Variants in NF1 observed in about 807,000 individuals in gnomAD.
The protein encoded by NF1 is neurofibromin 1, also known as neurofibromin.
A neutral mutation model predicts 325.7 loss-of-function variants in NF1; 122 were observed. The observed-to-expected ratio is 0.37, with a 90% CI of 0.32 to 0.44. The LOEUF is 0.44. Ranked by LOEUF, NF1 falls within the 20% of genes least tolerant of loss-of-function variation. The probability of loss-of-function intolerance (pLI) is 1.00; values close to 1 mark genes in which losing one functional copy is unlikely to be tolerated. For missense variants in NF1, 2,140 were observed against 3,415.4 expected, an observed-to-expected ratio of 0.63 and a Z score of 9.31; for synonymous variants, 1,091 against 1,186.0, an observed-to-expected ratio of 0.92 and a Z score of 1.65.
chr17:31,147,540 A>G (rs1042834220), intron 1 of NF1, among the ~76,000 whole-genome samples: 3 of 151,568 alleles, frequency 2.0e-5, no homozygotes, highest in African/African-American at 7.3e-5. Context: ...ACATATATAC[A>G]TTTCTGTTGG....
chr17:31,295,030 A>C (rs1375003931), intron 36 of NF1: 3 of 1,614,022 alleles, frequency 1.9e-6, no homozygotes, highest in Non-Finnish European at 1.7e-6. Flanking sequence ...GCATGACCAC[A>C]ACATTGAGCA....
At chr17:31,174,449 C>T (rs1231775695) in intron 5 of NF1, among the ~76,000 whole-genome samples, 4 of 152,154 alleles carry the variant, frequency 2.6e-5, no homozygotes, top group South Asian at 2.1e-4. Flanking sequence ...TTTGACTGGA[C>T]ACTTCTAGAG....
At chr17:31,294,844 CTTTTA>C in intron 36 of NF1, 2 of 846,672 alleles carry the variant, frequency 2.4e-6, no homozygotes, top group Non-Finnish European at 3.8e-6. Context: ...TTGTGCATTT[CTTTTA>C]TTTAAGACAA....
intron 1 of NF1, 165 bp downstream of exon 1, chr17:31,095,534 C>T: frequency 5.2e-6 from 3 of 578,242 alleles, no homozygotes; most frequent in Non-Finnish European, 8.6e-6. Flanking sequence ...GTGGCCAAGG[C>T]GGGAGGTGAG....
At chr17:31,262,962 T>TG (rs2067710398) in intron 35 of NF1, among the ~76,000 whole-genome samples, 1 of 152,058 alleles carries the variant, frequency 6.6e-6, no homozygotes, top group South Asian at 2.1e-4. Context: ...GTGAGAGAAT[T>TG]GCTGGAGGCC....
At chr17:31,259,171 A>C in intron 33 of NF1, 42 bp downstream of exon 33, 2 of 1,391,754 alleles carry the variant, frequency 1.4e-6, no homozygotes, top group Non-Finnish European at 2.0e-6. Flanking sequence ...GTTTGAATCA[A>C]ATATTTTCGG....
intron 36 of NF1, among the ~76,000 whole-genome samples, chr17:31,291,649 G>T (rs755904084): frequency 6.6e-6 from 1 of 152,114 alleles, no homozygotes; most frequent in Admixed American, 6.6e-5. Context: ...GTTAACTCTT[G>T]ACTGACATTT....
intron 12 of NF1, among the ~76,000 whole-genome samples, chr17:31,211,005 A>G (rs2066719688): frequency 2.0e-5 from 3 of 152,176 alleles, no homozygotes; most frequent in Admixed American, 1.3e-4. Context: ...GAATTTTCAC[A>G]AGTATTTGTT....
In NF1 at chr17:31,227,637, A is replaced by G. The variant is rs781265014; in HGVS notation, c.2409+31A>G. On this transcript the variant is annotated intron_variant, in intron 20 of 57. Coordinates refer to ENST00000358273, the MANE Select transcript of NF1 (RefSeq NM_001042492.3). ...TCTGTAAAGTTGACTTTTGTCTGTT[A>G]ACTGATCTGCTAAATATATGTACTT... 3.2e-6 allele frequency: 5 copies of G among 1,555,928 alleles called. No individual in the cohort carries two copies. The East Asian group carries it at 1.1e-4, about 35-fold the overall frequency.
intron 36 of NF1, chr17:31,295,495 A>G (rs1385550504): frequency 6.2e-7 from 1 of 1,614,076 alleles, no homozygotes; most frequent in African/African-American, 1.3e-5. Context: ...TCCCACTTAC[A>G]GTGAATAAGC....
chr17:31,358,296 G>C (rs1435796147), intron 54 of NF1, 184 bp from the exon 55 acceptor site: 3 of 626,870 alleles, frequency 4.8e-6, no homozygotes, highest in East Asian at 2.8e-5. Flanking sequence ...AACAAAAACA[G>C]ACACACACAC....
At chr17:31,219,306 A>G in intron 14 of NF1, 188 bp downstream of exon 14, 2 of 505,902 alleles carry the variant, frequency 4.0e-6, no homozygotes, top group Non-Finnish European at 7.0e-6. Flanking sequence ...TTTGTATCAC[A>G]TAGCAATAAC....
At position 31,159,093 on chromosome 17, in the gene NF1, G is replaced by T. The variant is rs1430988476; in HGVS notation, c.288G>T (p.Gly96=). ...ILDTLEKCLA[G]QPKDTMRLDE... is the part of the protein sequence containing the mutation. ...ATACACTGGAAAAATGTCTTGCTGG[G>T]GTAAGTAAATTGATCTTAAGTAGGC... Residue 96 remains glycine, a splice_region_variant and synonymous_variant, in exon 3 of 58, where the codon GGG becomes GGT. Coordinates refer to ENST00000358273, the MANE Select transcript of NF1 (RefSeq NM_001042492.3). The T allele has an allele frequency of 1.3e-6, 2 of 1,599,666 alleles. No individual in the cohort carries two copies. The highest frequency in any genetic ancestry group is 1.7e-6 in the Non-Finnish European group (2 of 1,167,382).
At chr17:31,322,503 A>G (rs1191758139) in intron 36 of NF1, among the ~76,000 whole-genome samples, 1 of 18,324 alleles carries the variant, frequency 5.5e-5, no homozygotes, top group Non-Finnish European at 1.8e-4. Flanking sequence ...CTCTGTCTCA[A>G]AAAAAAAAAA....
chr17:31,346,102 C>T (rs1428538069), intron 48 of NF1: 2 of 1,611,980 alleles, frequency 1.2e-6, no homozygotes, highest in Admixed American at 1.7e-5. Context: ...CACCAATTTT[C>T]CGGAACGGAG....
At position 31,365,600 on chromosome 17, in the gene NF1, A is replaced by G. The variant is rs2070500950; in HGVS notation, c.8377+4897A>G. On this transcript the variant is annotated intron_variant, in intron 57 of 57. Coordinates refer to ENST00000358273, the MANE Select transcript of NF1 (RefSeq NM_001042492.3). ...ATTAATACTATAGTGCACTGTAGAA[A>G]ATACCAAAATTCCAGATATTTATCC... 5.9e-5 allele frequency among the ~76,000 whole-genome samples: 9 copies of G among 152,340 alleles called. No homozygotes were observed. In the South Asian group the frequency reaches 1.9e-3, roughly 32 times the overall value.
intron 1 of NF1, among the ~76,000 whole-genome samples, chr17:31,118,140 T>C (rs1298854928): frequency 6.6e-6 from 1 of 152,232 alleles, no homozygotes; most frequent in Non-Finnish European, 1.5e-5. Flanking sequence ...TGTTGTGTTA[T>C]AAGCATAAAA....
rs1021829173 is a variant in NF1, at chr17:31,377,267, ATATAT to A, written c.*3114_*3118del. Reference sequence around the variant, plus strand: ...TACTATACTGTAAATATATGTGATGATATATTGTATTATTTTGCTTTTTTGTAAAG... The same window carrying A: ...TACTATACTGTAAATATATGTGATGATGTATTATTTTGCTTTTTTGTAAAG... On this transcript the variant is annotated 3_prime_UTR_variant, in exon 58 of 58. Transcript: ENST00000358273. 1.3e-5 allele frequency: 3 copies of A among 233,224 alleles called. No individual in the cohort carries two copies. Among genetic ancestry groups the A allele is most frequent in the East Asian group, 1.2e-4 (2 of 16,526 alleles). 14.4% of individuals were successfully genotyped at this position (233,224 alleles called of 1,614,324 possible).
chr17:31,280,390 G>T (rs1004734066), intron 36 of NF1, among the ~76,000 whole-genome samples: 3 of 151,178 alleles, frequency 2.0e-5, no homozygotes, highest in African/African-American at 4.9e-5. Flanking sequence ...GTGGGTATGT[G>T]CCTGTAATCC....
Sources: gnomAD v4.1 joint callset for allele counts (sites outside exome capture counted in the v4.1 genomes callset) on GRCh38, gnomAD v4.1.1 for gene constraint, MANE v1.5 for transcripts, NCBI Gene and HGNC (gene_info 2026-07-23, HGNC 2026-07-21) for gene names.